Variants in PGPEP1L observed in about 807,000 individuals in gnomAD.
PGPEP1L encodes pyroglutamyl-peptidase I like.
Under a neutral mutation model 6.0 loss-of-function variants are expected in PGPEP1L, and 7 were observed. The ratio of observed to expected loss-of-function variants is 1.17; its 90% CI spans 0.66 to 2.19. PGPEP1L has a LOEUF of 2.19. PGPEP1L is among the 30% of genes most tolerant of loss of function. The pLI, the probability that PGPEP1L is intolerant of heterozygous loss-of-function variation, is 0.00. For synonymous variants in PGPEP1L, 103 were observed against 83.9 expected (o/e 1.23, Z -1.24); for missense variants, 209 against 192.5 (o/e 1.09, Z -0.51).
intron 2 of PGPEP1L, among the ~76,000 whole-genome samples, chr15:98,977,496 G>A (rs2017587223): frequency 6.6e-6 from 1 of 152,190 alleles, no homozygotes; most frequent in Non-Finnish European, 1.5e-5. Flanking sequence ...GAAATTTCCA[G>A]ATGTCTGTTA....
chr15:98,996,829 T>A (rs1246889830), intron 2 of PGPEP1L, among the ~76,000 whole-genome samples: 1 of 152,196 alleles, frequency 6.6e-6, no homozygotes, highest in African/African-American at 2.4e-5. Context: ...TGCCTGCAGC[T>A]AAGAACCTTG....
chr15:98,974,361 C>T (rs1188262076), intron 2 of PGPEP1L, among the ~76,000 whole-genome samples: 1 of 151,450 alleles, frequency 6.6e-6, no homozygotes, highest in Non-Finnish European at 1.5e-5. Context: ...CCTGGGTGAC[C>T]GTGTGAGACC....
intron 2 of PGPEP1L, among the ~76,000 whole-genome samples, chr15:98,973,454 T>G (rs1326812238): frequency 2.0e-5 from 3 of 152,228 alleles, no homozygotes; most frequent in Non-Finnish European, 4.4e-5. Flanking sequence ...ATAGTTCAAA[T>G]GTTAGGTCAC....
At chr15:98,987,770 T>TC (rs1555471662) in intron 2 of PGPEP1L, among the ~76,000 whole-genome samples, 1 of 152,142 alleles carries the variant, frequency 6.6e-6, no homozygotes, top group African/African-American at 2.4e-5. Context: ...TTTCTGCATT[T>TC]CCAACTGAGG....
At chr15:99,002,486 AC>A (rs1381595599) in intron 2 of PGPEP1L, among the ~76,000 whole-genome samples, 1 of 109,116 alleles carries the variant, frequency 9.2e-6, no homozygotes, top group Non-Finnish European at 2.0e-5. Context: ...AGCTGAAATT[AC>A]ACACACACAC....
chr15:99,002,020 T>C (rs1209322339), intron 2 of PGPEP1L, among the ~76,000 whole-genome samples: 5 of 152,024 alleles, frequency 3.3e-5, no homozygotes, highest in Non-Finnish European at 5.9e-5. Flanking sequence ...CCTGGCCCTA[T>C]TTTTATTTTC....
intron 2 of PGPEP1L, among the ~76,000 whole-genome samples, chr15:98,972,219 G>A (rs1356525852): frequency 2.6e-5 from 4 of 152,022 alleles, no homozygotes; most frequent in Non-Finnish European, 5.9e-5. Flanking sequence ...CAGATGTGGT[G>A]GCAAATGCCT....
intron 2 of PGPEP1L, among the ~76,000 whole-genome samples, chr15:98,972,902 A>AAAAG (rs2017519833): frequency 2.6e-5 from 3 of 113,964 alleles, no homozygotes; most frequent in Non-Finnish European, 5.6e-5. Context: ...AAAAAAAAAA[A>AAAAG]GTGCAGTGTA....
intron 2 of PGPEP1L, among the ~76,000 whole-genome samples, chr15:98,981,039 T>A (rs1241630565): frequency 6.6e-6 from 1 of 152,138 alleles, no homozygotes; most frequent in Non-Finnish European, 1.5e-5. Flanking sequence ...ACACTGATAC[T>A]GTGTGCCCTT....
intron 2 of PGPEP1L, among the ~76,000 whole-genome samples, chr15:98,989,164 G>C (rs1229286702): frequency 6.6e-6 from 1 of 152,112 alleles, no homozygotes; most frequent in East Asian, 1.9e-4. Flanking sequence ...GGCTTCACAA[G>C]GTGGATAATA....
intron 2 of PGPEP1L, among the ~76,000 whole-genome samples, chr15:98,987,032 T>C (rs1037448419): frequency 6.6e-6 from 1 of 151,736 alleles, no homozygotes; most frequent in Admixed American, 6.6e-5. Flanking sequence ...CTGGGTGTGG[T>C]GGCATGCACC....
chr15:98,970,400 A>C (rs1204619316), intron 3 of PGPEP1L, among the ~76,000 whole-genome samples: 1 of 152,134 alleles, frequency 6.6e-6, no homozygotes, highest in Non-Finnish European at 1.5e-5. Context: ...CATCCAGTGA[A>C]ATCTTCTTAG....
At chr15:99,006,026 T>C (rs2593058) in intron 1 of PGPEP1L, among the ~76,000 whole-genome samples, 2,130 of 152,248 alleles carry the variant, frequency 0.014, 63 homozygotes, top group African/African-American at 0.049. Context: ...CCACAAAATA[T>C]GTGAGATGTG....
At chr15:98,985,106 T>C (rs965544226) in intron 2 of PGPEP1L, among the ~76,000 whole-genome samples, 2 of 152,052 alleles carry the variant, frequency 1.3e-5, no homozygotes, top group Non-Finnish European at 2.9e-5. Context: ...ACGCAGAGCT[T>C]GAGGAGGGGC....
intron 2 of PGPEP1L, among the ~76,000 whole-genome samples, chr15:98,995,906 T>C (rs774359099): frequency 6.6e-6 from 1 of 152,230 alleles, no homozygotes; most frequent in African/African-American, 2.4e-5. Context: ...TGGACAATCA[T>C]GTAAGTAGAA....
chr15:98,978,726 A>ATT (rs57804945), intron 2 of PGPEP1L, among the ~76,000 whole-genome samples: 60 of 85,234 alleles, frequency 7.0e-4, no homozygotes, highest in Non-Finnish European at 8.7e-4. Flanking sequence ...ATATATATAT[A>ATT]TTTTTTTTTT....
chr15:98,997,666 C>T (rs149141470), intron 2 of PGPEP1L, among the ~76,000 whole-genome samples: 71 of 152,300 alleles, frequency 4.7e-4, no homozygotes, highest in Non-Finnish European at 8.5e-4. Flanking sequence ...GCTGCTTGTA[C>T]AAAGTGGCTT....
intron 2 of PGPEP1L, among the ~76,000 whole-genome samples, chr15:98,989,478 T>C (rs60604735): frequency 0.015 from 2,216 of 152,274 alleles, 55 homozygotes; most frequent in African/African-American, 0.05. Context: ...TATGGGACTA[T>C]GTGAAAAGAA....
rs1457305277 is a variant in PGPEP1L, at chr15:98,987,211, T to A, written c.-141-16053A>T. ...AAAAAAAAAAGAGAGCCAATTTAAT[T>A]TTTGATATTCATATGGACATTTGTT... is the stretch of plus-strand genomic sequence containing the variant. On this transcript the variant is annotated intron_variant, in intron 2 of 4. Transcript: ENST00000535714. Among the ~76,000 whole-genome samples, 11 of 147,636 alleles carry A rather than the reference T, an allele frequency of 7.5e-5. No individual in the cohort carries two copies. The East Asian group carries it at 1.6e-3, about 22-fold the overall frequency.
Sources: allele counts gnomAD v4.1 joint callset (sites outside exome capture counted in the v4.1 genomes callset), GRCh38; gene constraint gnomAD v4.1.1; transcripts MANE v1.5; gene names NCBI Gene and HGNC (gene_info 2026-07-23, HGNC 2026-07-21).